The following IL20RA variants were observed in gnomAD, a reference collection of about 807,000 sequenced individuals.
IL20RA encodes the protein interleukin-20 receptor subunit alpha.
Under a neutral mutation model 36.5 loss-of-function variants are expected in IL20RA, and 29 were observed. The ratio of observed to expected loss-of-function variants is 0.79; its 90% CI spans 0.59 to 1.08. The LOEUF is 1.08. IL20RA is among the 50% of genes least tolerant of loss of function. The pLI is 0.00. For missense variants in IL20RA, 652 were observed against 668.4 expected (o/e 0.98, Z 0.27); for synonymous variants, 279 against 267.1 (o/e 1.04, Z -0.43).
intron 5 of IL20RA, among the ~76,000 whole-genome samples, chr6:137,005,329 G>C (rs1224535498): frequency 1.8e-4 from 27 of 152,204 alleles, no homozygotes. Flanking sequence ...TGTGTGTAGG[G>C]AGGTGGCTGG....
At chr6:137,012,237 T>C (rs1775526971) in intron 2 of IL20RA, among the ~76,000 whole-genome samples, 1 of 151,990 alleles carries the variant, frequency 6.6e-6, no homozygotes, top group Admixed American at 6.6e-5. Flanking sequence ...TGTAGGTCGC[T>C]TGGACAAGGA....
chr6:137,008,286 A>C (rs1228004633), intron 5 of IL20RA, among the ~76,000 whole-genome samples: 1 of 152,210 alleles, frequency 6.6e-6, no homozygotes, highest in Non-Finnish European at 1.5e-5. Context: ...TTAAAGAAGA[A>C]AAAAGGCATG....
In IL20RA at chr6:137,001,877, T is replaced by C; in HGVS notation, c.1343A>G (p.Tyr448Cys). Residue 448 changes from tyrosine (Y) to cysteine (C), a missense_variant, in exon 7 of 7, where the codon TAC becomes TGC. Coordinates refer to ENST00000316649, the MANE Select transcript of IL20RA (RefSeq NM_014432.4). ...LAVLGPQTLQ[Y>C]SYTPQLQDLD... is the part of the protein sequence containing the mutation. ...GTCTTGGAGCTGAGGGGTGTATGAG[T>C]ACTGTAACGTTTGCGGGCCCAAGAC... 6.2e-7 allele frequency: 1 copy of C among 1,613,808 alleles called. No homozygotes were observed. The highest frequency in any genetic ancestry group is 1.3e-5 in the African/African-American group (1 of 75,018).
intron 1 of IL20RA, chr6:137,044,162 G>A: frequency 2.0e-6 from 2 of 985,986 alleles, no homozygotes; most frequent in Non-Finnish European, 2.4e-6. Context: ...GGCTTTTAAA[G>A]CGCGGATCTC....
rs1360969778 is a variant in IL20RA at position 137,004,604 on chromosome 6, C to A, written c.864+17G>T. 6.2e-7 allele frequency: 1 copy of A among 1,611,848 alleles called. No individual in the cohort carries two copies. The highest frequency in any genetic ancestry group is 1.3e-5 in the African/African-American group (1 of 74,820). ...TGTACTATTATAATAAAGAACCCTG[C>A]CACACCAAGTACTCACCAAATTTGC... On this transcript the variant is annotated intron_variant, in intron 6 of 6. Coordinates refer to ENST00000316649, the MANE Select transcript of IL20RA (RefSeq NM_014432.4).
chr6:137,011,180 C>A (rs1448475966), intron 3 of IL20RA, 94 bp downstream of exon 3: 2 of 1,030,638 alleles, frequency 1.9e-6, no homozygotes, highest in Admixed American at 4.4e-5. Context: ...AAGCAGAGTA[C>A]CTTCCTCTGG....
intron 2 of IL20RA, among the ~76,000 whole-genome samples, chr6:137,013,237 A>G (rs532368012): frequency 8.5e-5 from 13 of 152,158 alleles, no homozygotes; most frequent in Non-Finnish European, 1.9e-4. Context: ...GACTATTGCC[A>G]TTGCCTATGT....
At chr6:137,025,335 T>G (rs1406242538) in intron 1 of IL20RA, among the ~76,000 whole-genome samples, 1 of 152,148 alleles carries the variant, frequency 6.6e-6, no homozygotes, top group Non-Finnish European at 1.5e-5. Flanking sequence ...TTCCAACATG[T>G]GAGGACATAG....
In IL20RA at chr6:137,009,455, A is replaced by G. The variant is rs150333567; in HGVS notation, c.441T>C (p.Asp147=). The G allele has an allele frequency of 1.8e-5, 29 of 1,612,978 alleles. No individual in the cohort carries two copies. In the African/African-American group the frequency reaches 3.7e-4, roughly 21 times the overall value. ...IGPPEVALTT[D]EKSISVVLTA... is the part of the protein sequence containing the mutation. ...TCAGGACAACAGAAATGGACTTCTC[A>G]TCTGTAGTCAGTGCCACCTCTGGTG... Residue 147 remains aspartate, a synonymous_variant, in exon 4 of 7, where the codon GAT becomes GAC. Coordinates refer to ENST00000316649, the MANE Select transcript of IL20RA (RefSeq NM_014432.4).
chr6:137,013,953 C>G (rs765018916), intron 2 of IL20RA, among the ~76,000 whole-genome samples: 4 of 152,210 alleles, frequency 2.6e-5, no homozygotes, highest in Non-Finnish European at 4.4e-5. Context: ...TCTGCTCACA[C>G]GAAGCAGTGA....
chr6:136,999,999 C>T lies in IL20RA; in HGVS notation c.*1559G>A, dbSNP rs1299243981. ...CATCAATCACTTTATTTTTCTTTTG[C>T]TCTTAATAACAATTTATTCTTTCTC... is the stretch of plus-strand genomic sequence containing the variant. On this transcript the variant is annotated 3_prime_UTR_variant, in exon 7 of 7. Coordinates refer to ENST00000316649, the MANE Select transcript of IL20RA (RefSeq NM_014432.4). The T allele has an allele frequency of 6.6e-6, 1 of 152,180 alleles. No individual in the cohort carries two copies. The highest frequency in any genetic ancestry group is 1.9e-4 in the East Asian group (1 of 5,200). 9.4% of individuals were successfully genotyped at this position (152,180 alleles called of 1,614,324 possible).
At chr6:137,034,362 T>C (rs76635696) in intron 1 of IL20RA, among the ~76,000 whole-genome samples, 5,437 of 152,302 alleles carry the variant, frequency 0.036, 328 homozygotes, top group African/African-American at 0.12. Flanking sequence ...TGTTTGCTAA[T>C]ATTTAAATTT....
intron 1 of IL20RA, among the ~76,000 whole-genome samples, chr6:137,036,714 G>C (rs1776504996): frequency 6.6e-6 from 1 of 151,490 alleles, no homozygotes; most frequent in Admixed American, 6.6e-5. Context: ...AGACTTCCAG[G>C]CTCCAGGACT....
rs545881372 is a variant in IL20RA, at chr6:137,009,393, A to C, written c.503T>G (p.Leu168Arg). 6.2e-6 allele frequency: 10 copies of C among 1,612,942 alleles called. No individual in the cohort carries two copies. In the South Asian group the frequency reaches 6.6e-5, roughly 11 times the overall value. ...GTATATTTGTTGCATGGAAACAGGA[A>C]GGTCTTCTGGATTTCTCTTCCACTT... The part of the protein sequence containing the change: ...PEKWKRNPED[L>R]PVSMQQIYSN... The change falls in exon 4 of 7, where the codon CTT becomes CGT. Residue 168 changes from leucine to arginine, a missense_variant. Coordinates refer to ENST00000316649, the MANE Select transcript of IL20RA (RefSeq NM_014432.4).
chr6:137,032,052 C>CAAAA (rs11379045), intron 1 of IL20RA, among the ~76,000 whole-genome samples: 2 of 61,860 alleles, frequency 3.2e-5, no homozygotes, highest in African/African-American at 6.2e-5. Flanking sequence ...GATTCTGTCT[C>CAAAA]AAAAAAAAAA....
chr6:137,017,344 A>G (rs1045376926), intron 1 of IL20RA, among the ~76,000 whole-genome samples: 1 of 152,166 alleles, frequency 6.6e-6, no homozygotes. Context: ...TGCTGGAGAG[A>G]CCATGTTGAG....
chr6:137,014,527 T>C (rs1417175391), intron 2 of IL20RA, among the ~76,000 whole-genome samples: 1 of 152,148 alleles, frequency 6.6e-6, no homozygotes, highest in Non-Finnish European at 1.5e-5. Context: ...TTAAAGAAAC[T>C]ACAGAAGTGC....
At chr6:137,018,514 G>A (rs35813891) in intron 1 of IL20RA, among the ~76,000 whole-genome samples, 924 of 7,908 alleles carry the variant, frequency 0.12, 13 homozygotes, top group Admixed American at 0.17. Context: ...TGCCGTGTGC[G>A]TGTGTGTGTG....
chr6:137,009,571 G>T (rs1775401258), intron 3 of IL20RA, 79 bp from the exon 4 acceptor site: 1 of 767,410 alleles, frequency 1.3e-6, no homozygotes, highest in Admixed American at 2.2e-5. Flanking sequence ...AATCCTACTT[G>T]GATCAAGGCC....
Sources: gnomAD v4.1 joint callset for allele counts (sites outside exome capture counted in the v4.1 genomes callset) on GRCh38, gnomAD v4.1.1 for gene constraint, MANE v1.5 for transcripts, NCBI Gene and HGNC (gene_info 2026-07-23, HGNC 2026-07-21) for gene names.